SCAP: variants seen among roughly 807,000 people sequenced by gnomAD.
The protein encoded by SCAP is sterol regulatory element-binding protein cleavage-activating protein.
A neutral mutation model predicts 123.6 loss-of-function variants in SCAP; 65 were observed. The ratio of observed to expected loss-of-function variants is 0.53; its 90% CI spans 0.43 to 0.65. The LOEUF (loss-of-function observed/expected upper bound fraction) is 0.65, where lower values mean the gene tolerates loss of function less well. Among genes scored for constraint, SCAP ranks in the 30% least tolerant of loss-of-function variants. The probability of loss-of-function intolerance (pLI) is 0.00; values close to 1 mark genes in which losing one functional copy is unlikely to be tolerated. For missense variants in SCAP, 1,398 were observed against 1,712.5 expected, an observed-to-expected ratio of 0.82 and a Z score of 3.24; for synonymous variants, 740 against 726.3, an observed-to-expected ratio of 1.02 and a Z score of -0.30.
intron 1 of SCAP, among the ~76,000 whole-genome samples, chr3:47,463,514 C>T (rs140110185): frequency 1.3e-3 from 199 of 152,180 alleles, no homozygotes; most frequent in African/African-American, 4.6e-3. Flanking sequence ...CCAGCCTGGC[C>T]AACATAGTGA....
intron 1 of SCAP, among the ~76,000 whole-genome samples, chr3:47,454,757 A>T (rs1165034740): frequency 4.0e-5 from 6 of 150,724 alleles, no homozygotes; most frequent in African/African-American, 1.5e-4. Context: ...AAATAATAAT[A>T]AAAAAAATAC....
intron 1 of SCAP, among the ~76,000 whole-genome samples, chr3:47,468,532 G>A (rs542473537): frequency 3.3e-4 from 50 of 152,224 alleles, no homozygotes; most frequent in African/African-American, 1.2e-3. Context: ...AGAAGTGTCT[G>A]TTCATATGCT....
intron 2 of SCAP, among the ~76,000 whole-genome samples, chr3:47,441,232 C>T (rs1158135454): frequency 6.6e-6 from 1 of 152,012 alleles, no homozygotes; most frequent in Non-Finnish European, 1.5e-5. Flanking sequence ...AACAGGGTGA[C>T]TACAAAAGAG....
chr3:47,420,607 G>A lies in SCAP; in HGVS notation c.1510C>T (p.Leu504=). The A allele has an allele frequency of 1.9e-6, 3 of 1,612,114 alleles. No homozygotes were observed. The highest frequency in any genetic ancestry group is 2.5e-6 in the Non-Finnish European group (3 of 1,179,830). ...CGGGCCAGGAAGTAGACAACACGCA[G>A]CCTCTTGGGGAGCCGCAGGTTTCGG... is the stretch of plus-strand genomic sequence containing the variant. The part of the protein sequence containing the change: ...SFRNLRLPKR[L]RVVYFLARTR... The change falls in exon 12 of 23, where the codon CTG becomes TTG. Residue 504 remains leucine (L), a synonymous_variant. Transcript: ENST00000265565. This position sits in a 1 kb window ranked among gnomAD's most constrained non-coding sequence, Gnocchi z 5.0.
At chr3:47,465,435 C>T (rs941937544) in intron 1 of SCAP, among the ~76,000 whole-genome samples, 7 of 152,222 alleles carry the variant, frequency 4.6e-5, no homozygotes, top group Non-Finnish European at 8.8e-5. Flanking sequence ...TATCTACAAA[C>T]GCAATCCATA....
rs367788810 is a variant in SCAP at position 47,447,650 on chromosome 3, T to C, written c.-98-4559A>G. On this transcript the variant is annotated intron_variant, in intron 1 of 22. Transcript: ENST00000265565. ...CCACAGTGAGCCAAAGACTGTGCCA[T>C]TGCACTCCAGCCTGGGCAATACAGC... Among the ~76,000 whole-genome samples the C allele has an allele frequency of 2.1e-4, 32 of 150,316 alleles. No homozygotes were observed. In the East Asian group the frequency reaches 3.3e-3, roughly 16 times the overall value.
At position 47,424,058 on chromosome 3, in the gene SCAP, A is replaced by G; in HGVS notation, c.1038-13T>C. ...GGGGAAAATCTCGCTGGGGACAGAG[A>G]AGGAGAAGGTGAGGACAGTGTTGTG... is the stretch of plus-strand genomic sequence containing the variant. On this transcript the variant is annotated splice_polypyrimidine_tract_variant and intron_variant, in intron 8 of 22. Coordinates refer to ENST00000265565, the MANE Select transcript of SCAP (RefSeq NM_012235.4). 1 of 1,595,626 alleles carries G rather than the reference A, an allele frequency of 6.3e-7. No homozygotes were observed. The highest frequency in any genetic ancestry group is 8.6e-7 in the Non-Finnish European group (1 of 1,163,162).
chr3:47,417,896 T>TGAGAGGGGGCGGGGGAGAAGG (rs1559539142), intron 16 of SCAP, 70 bp from the exon 17 acceptor site: 5 of 229,272 alleles, frequency 2.2e-5, no homozygotes, highest in East Asian at 1.0e-4. Context: ...GGGACGGGGG[T>TGAGAGGGGGCGGGGGAGAAGG]GAGAGGGGGC....
rs146477592 is a variant in SCAP at position 47,422,313 on chromosome 3, CAA to C, written c.1245+127_1245+128del. The C allele has an allele frequency of 2.7e-3, 2,090 of 761,670 alleles. 26 individuals carry two copies. In the African/African-American group the frequency reaches 0.03, roughly 11 times the overall value. The allele number at this position is 761,670 out of a possible 1,614,324, so 47.2% of individuals were successfully genotyped here. Reference sequence around the variant, plus strand: ...GTGCTGTAGTGATCTGCTTGCCAGGCAAAGAGGTCCCACCTCAGAAGCAAGGA... The same window carrying C: ...GTGCTGTAGTGATCTGCTTGCCAGGCAGAGGTCCCACCTCAGAAGCAAGGA... On this transcript the variant is annotated intron_variant, in intron 10 of 22. Coordinates refer to ENST00000265565, the MANE Select transcript of SCAP (RefSeq NM_012235.4).
intron 1 of SCAP, among the ~76,000 whole-genome samples, chr3:47,456,856 C>A (rs1039639466): frequency 6.6e-6 from 1 of 151,992 alleles, no homozygotes; most frequent in East Asian, 1.9e-4. Context: ...GCTAAATTCC[C>A]GCGTATATAA....
Position 47,427,645 on chromosome 3 carries a change from C to A in SCAP, c.433G>T (p.Glu145Ter), listed in dbSNP as rs750257136. ...AGGTCGGTCACTTGCAGACACAACT[C>A]CTCCAAGCTCCTGATCCCAGAGCTG... ...RDSSGIRSLE[E>*]LCLQVTDLLP... The change falls in exon 5 of 23, where the codon GAG (glutamate) becomes TAG (stop). Residue 145 changes from glutamate to a stop codon, truncating the protein, a stop_gained. Transcript: ENST00000265565. LOFTEE classifies it high-confidence loss of function. 2 of 1,614,080 alleles carry A rather than the reference C, an allele frequency of 1.2e-6. No homozygotes were observed. The highest frequency in any genetic ancestry group is 1.7e-6 in the Non-Finnish European group (2 of 1,179,992).
intron 3 of SCAP, among the ~76,000 whole-genome samples, chr3:47,432,818 C>T (rs928880640): frequency 6.6e-6 from 1 of 152,180 alleles, no homozygotes; most frequent in African/African-American, 2.4e-5. Flanking sequence ...CAGGTATGCA[C>T]CACTGCACCC....
Position 47,421,014 on chromosome 3 carries a change from CAA to C in SCAP, c.1259_1260del (p.Phe420CysfsTer8), listed in dbSNP as rs773778300. The part of the protein sequence containing the change: ...LVPAIQEFCL[F>X]AVVGLVSDFF... The stretch of plus-strand genomic sequence containing the variant: ...AAGTCAGACACCAGCCCCACGACAG[CAA>C]AGAGACAGAACTCCTGGAATCAGAG... On this transcript the variant is annotated frameshift_variant, in exon 11 of 23. Coordinates refer to ENST00000265565, the MANE Select transcript of SCAP (RefSeq NM_012235.4). LOFTEE classifies it high-confidence loss of function. 5.0e-6 allele frequency: 8 copies of C among 1,613,784 alleles called. No homozygotes were observed. The highest frequency in any genetic ancestry group is 6.8e-6 in the Non-Finnish European group (8 of 1,179,952).
rs762016927 is a variant in SCAP, at chr3:47,425,511, G to A, written c.1011C>T (p.Phe337=). ...LLMSVGLCTL[F]GLTPTLNGGE... is the part of the protein sequence containing the mutation. ...CGCCATTGAGGGTGGGCGTCAGGCC[G>A]AAGAGTGTGCAGAGTCCCACAGACA... Residue 337 remains phenylalanine (F), a synonymous_variant, in exon 8 of 23, where the codon TTC becomes TTT. Coordinates refer to ENST00000265565, the MANE Select transcript of SCAP (RefSeq NM_012235.4). 16 of 1,613,788 alleles carry A rather than the reference G, an allele frequency of 9.9e-6. No individual in the cohort carries two copies. Among genetic ancestry groups the A allele is most frequent in the Non-Finnish European group, 1.3e-5 (15 of 1,180,056 alleles).
intron 1 of SCAP, 161 bp from the exon 2 acceptor site, chr3:47,443,252 ACACACACACACACACACACACACACT>A (rs1706878443): frequency 1.7e-5 from 4 of 240,920 alleles, no homozygotes; most frequent in East Asian, 8.3e-5. Flanking sequence ...ACACACACAC[ACACACACACACACACACACACACACT>A]CTCTCTCTCT....
At chr3:47,453,641 C>T (rs1316399267) in intron 1 of SCAP, among the ~76,000 whole-genome samples, 1 of 152,120 alleles carries the variant, frequency 6.6e-6, no homozygotes, top group Non-Finnish European at 1.5e-5. Context: ...AACCCTTAAA[C>T]TAATAACTAC....
At position 47,422,551 on chromosome 3, in the gene SCAP, A is replaced by AACAGGGC; in HGVS notation, c.1151-22_1151-16dup. The AACAGGGC allele has an allele frequency of 6.2e-7, 1 of 1,603,922 alleles. No individual in the cohort carries two copies. Among genetic ancestry groups the AACAGGGC allele is most frequent in the Non-Finnish European group, 8.5e-7 (1 of 1,172,786 alleles). ...GCTGCTTAGGCCTGCAGAGGGCAGC[A>AACAGGGC]ACAGGGCACAGGGCAACACATGGCC... On this transcript the variant is annotated splice_polypyrimidine_tract_variant and intron_variant, in intron 9 of 22. Transcript: ENST00000265565.
chr3:47,471,095 G>C (rs1456459936), intron 1 of SCAP, among the ~76,000 whole-genome samples: 3 of 152,062 alleles, frequency 2.0e-5, no homozygotes, highest in Non-Finnish European at 2.9e-5. Context: ...ATGTATATTT[G>C]AGTTTTACTA....
At chr3:47,456,324 C>A (rs1443158429) in intron 1 of SCAP, among the ~76,000 whole-genome samples, 1 of 152,036 alleles carries the variant, frequency 6.6e-6, no homozygotes, top group African/African-American at 2.4e-5. Flanking sequence ...ATTACCTGAG[C>A]CTGGCAAGGT....
Sources: gnomAD v4.1 joint callset for allele counts (sites outside exome capture counted in the v4.1 genomes callset) on GRCh38, gnomAD v4.1.1 for gene constraint, Gnocchi (gnomAD v3.1) non-coding constraint, MANE v1.5 for transcripts, NCBI Gene and HGNC (gene_info 2026-07-23, HGNC 2026-07-21) for gene names.